The following ARHGAP42 variants were observed in gnomAD, a reference collection of about 807,000 sequenced individuals.
ARHGAP42 encodes the protein Rho GTPase activating protein 42, also known as rho GTPase-activating protein 42.
In ARHGAP42, 63 loss-of-function variants were observed where a neutral mutation model predicts 125.0. That is an observed-to-expected ratio of 0.50 (90% CI 0.41 to 0.62). The LOEUF is 0.62. Ranked by LOEUF, ARHGAP42 falls within the 20% of genes least tolerant of loss-of-function variation. The pLI is 0.00. For missense variants in ARHGAP42, 766 were observed against 1,024.2 expected (o/e 0.75, Z 3.44); for synonymous variants, 339 against 351.0 (o/e 0.97, Z 0.38).
At chr11:100,921,692 C>A in intron 6 of ARHGAP42, 88 bp downstream of exon 6, 1 of 820,874 alleles carries the variant, frequency 1.2e-6, no homozygotes. Flanking sequence ...TATAATTTTT[C>A]TTGAAAATTA....
chr11:100,825,042 T>C (rs1449668618), intron 3 of ARHGAP42, among the ~76,000 whole-genome samples: 4 of 152,154 alleles, frequency 2.6e-5, no homozygotes, highest in Non-Finnish European at 4.4e-5. Flanking sequence ...AGGAATAACA[T>C]TGTAACTCTG....
At chr11:100,726,702 A>G (rs1206278122) in intron 1 of ARHGAP42, among the ~76,000 whole-genome samples, 2 of 152,228 alleles carry the variant, frequency 1.3e-5, no homozygotes, top group Non-Finnish European at 2.9e-5. Flanking sequence ...GTCATTATAG[A>G]ATCCCACTAG....
At chr11:100,980,315 G>A (rs893474865) in intron 22 of ARHGAP42, among the ~76,000 whole-genome samples, 1 of 151,896 alleles carries the variant, frequency 6.6e-6, no homozygotes, top group Non-Finnish European at 1.5e-5. Context: ...TTAGTGTAAG[G>A]GATTTAACCT....
chr11:100,776,183 G>A (rs1863115719), intron 2 of ARHGAP42, among the ~76,000 whole-genome samples: 1 of 151,720 alleles, frequency 6.6e-6, no homozygotes. Context: ...GTTAGATATT[G>A]TTAGTCAAAC....
chr11:100,969,762 T>A (rs879111322), intron 17 of ARHGAP42, among the ~76,000 whole-genome samples: 2 of 152,188 alleles, frequency 1.3e-5, no homozygotes, highest in African/African-American at 2.4e-5. Flanking sequence ...GATATATTTG[T>A]GACTTCTTTG....
At chr11:100,862,768 T>C (rs1234767892) in intron 4 of ARHGAP42, among the ~76,000 whole-genome samples, 2 of 152,076 alleles carry the variant, frequency 1.3e-5, no homozygotes, top group Non-Finnish European at 2.9e-5. Flanking sequence ...TGGTGGCTCA[T>C]GCCGGTAATC....
chr11:100,837,677 T>A (rs1445141069), intron 3 of ARHGAP42, among the ~76,000 whole-genome samples: 3 of 137,962 alleles, frequency 2.2e-5, no homozygotes, highest in African/African-American at 2.7e-5. Flanking sequence ...TTTTTTTTTT[T>A]TTTTTTTTTT....
chr11:100,795,297 AT>A (rs1863683624), intron 3 of ARHGAP42, 131 bp downstream of exon 3: 2 of 573,446 alleles, frequency 3.5e-6, no homozygotes, highest in South Asian at 7.1e-5. Context: ...TTTTACATGT[AT>A]TTTTGAAAAG....
chr11:100,933,347 C>A, intron 7 of ARHGAP42, 87 bp downstream of exon 7: 1 of 958,790 alleles, frequency 1.0e-6, no homozygotes, highest in Non-Finnish European at 1.5e-6. Context: ...TTTCTAGCTG[C>A]TAGTGGAAAA....
chr11:100,728,713 C>CATATAT (rs1861903204), intron 1 of ARHGAP42, among the ~76,000 whole-genome samples: 26 of 95,298 alleles, frequency 2.7e-4, no homozygotes, highest in Admixed American at 4.7e-4. Context: ...AATGACTTTG[C>CATATAT]GTATATATAT....
chr11:100,986,210 A>G, intron 22 of ARHGAP42: 1 of 407,570 alleles, frequency 2.5e-6, no homozygotes, highest in South Asian at 1.8e-5. Flanking sequence ...TGAAGCAGGA[A>G]GATATGATAG....
intron 1 of ARHGAP42, among the ~76,000 whole-genome samples, chr11:100,698,007 A>G (rs963863019): frequency 1.3e-5 from 2 of 152,242 alleles, no homozygotes; most frequent in Non-Finnish European, 2.9e-5. Context: ...AAAGACTCTG[A>G]GACTAGCCTT....
chr11:100,845,516 A>G (rs1340278598), intron 3 of ARHGAP42, among the ~76,000 whole-genome samples: 1 of 152,116 alleles, frequency 6.6e-6, no homozygotes, highest in Non-Finnish European at 1.5e-5. Flanking sequence ...AAAAAACTAA[A>G]AAATAAAACT....
At chr11:100,945,590 C>A (rs967479836) in intron 10 of ARHGAP42, among the ~76,000 whole-genome samples, 1 of 152,088 alleles carries the variant, frequency 6.6e-6, no homozygotes, top group African/African-American at 2.4e-5. Context: ...TGTCAGCAGG[C>A]ATGAATATAT....
intron 3 of ARHGAP42, among the ~76,000 whole-genome samples, chr11:100,842,976 A>G (rs1233433894): frequency 1.3e-5 from 2 of 152,056 alleles, no homozygotes; most frequent in Non-Finnish European, 2.9e-5. Context: ...TCAGAGCAGA[A>G]CTAAATGAAA....
chr11:100,934,269 G>A (rs549912759), intron 7 of ARHGAP42, among the ~76,000 whole-genome samples: 1 of 152,064 alleles, frequency 6.6e-6, no homozygotes, highest in Non-Finnish European at 1.5e-5. Context: ...AAACATAAGT[G>A]AGAGATCCTT....
intron 17 of ARHGAP42, among the ~76,000 whole-genome samples, chr11:100,968,480 T>G (rs1355668520): frequency 6.6e-6 from 1 of 152,150 alleles, no homozygotes; most frequent in Non-Finnish European, 1.5e-5. Context: ...GAAACATTAT[T>G]TTTACATAAT....
intron 1 of ARHGAP42, among the ~76,000 whole-genome samples, chr11:100,728,724 A>G (rs1368973635): frequency 5.0e-5 from 4 of 80,430 alleles, no homozygotes; most frequent in African/African-American, 1.5e-4. Context: ...GTATATATAT[A>G]TATATATATA....
chr11:100,730,189 T>C (rs1162831203), intron 1 of ARHGAP42, among the ~76,000 whole-genome samples: 1 of 152,144 alleles, frequency 6.6e-6, no homozygotes, highest in Non-Finnish European at 1.5e-5. Context: ...GTACTGTGGA[T>C]TGTGTAGCTT....
Sources: allele counts gnomAD v4.1 joint callset (sites outside exome capture counted in the v4.1 genomes callset), GRCh38; gene constraint gnomAD v4.1.1; transcripts MANE v1.5; gene names NCBI Gene and HGNC (gene_info 2026-07-23, HGNC 2026-07-21).